PHLPP1: variants seen among roughly 807,000 people sequenced by gnomAD.
The protein encoded by PHLPP1 is PH domain and leucine rich repeat protein phosphatase 1, also known as PH domain leucine-rich repeat-containing protein phosphatase 1.
A neutral mutation model predicts 117.2 loss-of-function variants in PHLPP1; 42 were observed. The ratio of observed to expected loss-of-function variants is 0.36; its 90% CI spans 0.28 to 0.46. The LOEUF is 0.46. PHLPP1 is among the 20% of genes least tolerant of loss of function. PHLPP1 has a pLI of 1.00. For synonymous variants in PHLPP1, 1,042 were observed against 970.7 expected, an observed-to-expected ratio of 1.07 and a Z score of -1.37; for missense variants, 2,084 against 2,241.9, an observed-to-expected ratio of 0.93 and a Z score of 1.42.
chr18:62,874,660 C>CG, intron 4 of PHLPP1, among the ~76,000 whole-genome samples: 1 of 4,662 alleles, frequency 2.1e-4, no homozygotes. Flanking sequence ...CACGCGCGCA[C>CG]ACACACACAC....
chr18:62,822,286 G>GTTTTTTT (rs1017764937), intron 1 of PHLPP1, among the ~76,000 whole-genome samples: 2 of 133,118 alleles, frequency 1.5e-5, no homozygotes, highest in African/African-American at 2.7e-5. Flanking sequence ...TTTTGTTTTT[G>GTTTTTTT]TTTTTTTTTT....
intron 1 of PHLPP1, chr18:62,824,305 G>GAA: frequency 1.6e-4 from 52 of 317,244 alleles, no homozygotes; most frequent in Middle Eastern, 4.2e-4. Flanking sequence ...CATCAAAATA[G>GAA]AAAAAAAAAA....
At chr18:62,811,909 G>T (rs1302555849) in intron 1 of PHLPP1, among the ~76,000 whole-genome samples, 2 of 152,134 alleles carry the variant, frequency 1.3e-5, no homozygotes, top group Admixed American at 6.6e-5. Context: ...GCAGTGAGTT[G>T]ATTATTATCT....
intron 3 of PHLPP1, among the ~76,000 whole-genome samples, chr18:62,841,104 T>G (rs1323906992): frequency 6.6e-6 from 1 of 152,094 alleles, no homozygotes; most frequent in Admixed American, 6.6e-5. Context: ...GCCAGGCTGG[T>G]TTTGAACTCC....
intron 6 of PHLPP1, among the ~76,000 whole-genome samples, chr18:62,896,906 C>T (rs543539030): frequency 2.2e-4 from 33 of 152,284 alleles, no homozygotes; most frequent in Non-Finnish European, 4.6e-4. Context: ...GAAGTATTAG[C>T]AATTTGCAGA....
intron 2 of PHLPP1, among the ~76,000 whole-genome samples, chr18:62,831,725 A>C (rs755799192): frequency 5.3e-5 from 8 of 152,246 alleles, no homozygotes; most frequent in Non-Finnish European, 1.0e-4. Flanking sequence ...TGTGTATGGT[A>C]ATAAATGGTT....
chr18:62,862,294 T>C lies in PHLPP1; in HGVS notation c.2066+1693T>C, dbSNP rs572331757. Among the ~76,000 whole-genome samples, 11 of 152,214 alleles carry C rather than the reference T, an allele frequency of 7.2e-5. No individual in the cohort carries two copies. In the East Asian group the frequency reaches 2.1e-3, roughly 29 times the overall value. ...TGGGGTTTCACCATGTTGGCCAGTC[T>C]GGTCTCGAACTCCTGACCTGAAGTG... On this transcript the variant is annotated intron_variant, in intron 4 of 16. Transcript: ENST00000262719.
chr18:62,864,302 G>A (rs1915715081), intron 4 of PHLPP1, among the ~76,000 whole-genome samples: 2 of 152,176 alleles, frequency 1.3e-5, no homozygotes, highest in African/African-American at 4.8e-5. Context: ...GATTACAGAC[G>A]TGAGCTACTG....
intron 1 of PHLPP1, among the ~76,000 whole-genome samples, chr18:62,826,714 A>G (rs1914622003): frequency 6.6e-6 from 1 of 152,184 alleles, no homozygotes; most frequent in African/African-American, 2.4e-5. Context: ...ATCAAGATCC[A>G]GAGGCCATCC....
At chr18:62,764,414 CTTGGGGATGAAATGAAA>C (rs757999160) in intron 1 of PHLPP1, among the ~76,000 whole-genome samples, 4 of 151,834 alleles carry the variant, frequency 2.6e-5, no homozygotes, top group Non-Finnish European at 5.9e-5. Context: ...TCCTATGGTT[CTTGGGGATGAAATGAAA>C]TTGGGGATGA....
At chr18:62,941,606 T>C in intron 10 of PHLPP1, 112 bp from the exon 11 acceptor site, 1 of 727,370 alleles carries the variant, frequency 1.4e-6, no homozygotes. Flanking sequence ...GCTTGTCTTT[T>C]CAATTCATGT....
chr18:62,804,171 A>G (rs1913868971), intron 1 of PHLPP1, among the ~76,000 whole-genome samples: 1 of 152,200 alleles, frequency 6.6e-6, no homozygotes, highest in African/African-American at 2.4e-5. Flanking sequence ...AGAGAAGTGA[A>G]CAGGGAAGAG....
chr18:62,767,856 A>G (rs1912601710), intron 1 of PHLPP1, among the ~76,000 whole-genome samples: 1 of 152,234 alleles, frequency 6.6e-6, no homozygotes, highest in African/African-American at 2.4e-5. Flanking sequence ...CAATCAGTTC[A>G]GGGAGTGGCC....
intron 1 of PHLPP1, among the ~76,000 whole-genome samples, chr18:62,814,408 C>G (rs1166654327): frequency 6.6e-6 from 1 of 152,196 alleles, no homozygotes; most frequent in Non-Finnish European, 1.5e-5. Context: ...TTAGTGCTCC[C>G]CTAGACCTCT....
At chr18:62,943,226 G>C (rs1465459488) in intron 11 of PHLPP1, among the ~76,000 whole-genome samples, 2 of 152,142 alleles carry the variant, frequency 1.3e-5, no homozygotes, top group African/African-American at 4.8e-5. Context: ...AATGAATTCT[G>C]TCTCCCTGTG....
chr18:62,715,596 G>A lies in PHLPP1; in HGVS notation c.-88G>A. 3.6e-6 allele frequency: 3 copies of A among 837,330 alleles called. No individual in the cohort carries two copies. Among genetic ancestry groups the A allele is most frequent in the East Asian group, 3.3e-5 (1 of 29,940 alleles). 51.9% of individuals were successfully genotyped at this position (837,330 alleles called of 1,614,324 possible). On this transcript the variant is annotated 5_prime_UTR_variant, in exon 1 of 17. Coordinates refer to ENST00000262719, the MANE Select transcript of PHLPP1 (RefSeq NM_194449.4). ...CCATTGGCTTCTCCCTTCTCCGCGC[G>A]CCGCCGCCGTCTCCCACCTCCGCCT...
At chr18:62,891,353 C>G (rs113369985) in intron 4 of PHLPP1, among the ~76,000 whole-genome samples, 4,519 of 152,256 alleles carry the variant, frequency 0.03, 243 homozygotes, top group African/African-American at 0.1. Flanking sequence ...TTTGGGAGGC[C>G]AAGGCGGGCG....
At chr18:62,809,457 T>C (rs1259806887) in intron 1 of PHLPP1, among the ~76,000 whole-genome samples, 1 of 152,142 alleles carries the variant, frequency 6.6e-6, no homozygotes, top group African/African-American at 2.4e-5. Flanking sequence ...TCCCAGCACT[T>C]TGGGAGGCCG....
chr18:62,789,028 T>C (rs959734026), intron 1 of PHLPP1, among the ~76,000 whole-genome samples: 1 of 152,180 alleles, frequency 6.6e-6, no homozygotes, highest in African/African-American at 2.4e-5. Context: ...CTTAATGTTG[T>C]GGCAGGGAAG....
Sources: allele counts gnomAD v4.1 joint callset (sites outside exome capture counted in the v4.1 genomes callset), GRCh38; gene constraint gnomAD v4.1.1; transcripts MANE v1.5; gene names NCBI Gene and HGNC (gene_info 2026-07-23, HGNC 2026-07-21).